Variants in CUBN observed in about 807,000 individuals in gnomAD.
CUBN encodes 460 kDa receptor.
A neutral mutation model predicts 405.3 loss-of-function variants in CUBN; 282 were observed. The ratio of observed to expected loss-of-function variants is 0.70; its 90% CI spans 0.63 to 0.77. CUBN has a LOEUF of 0.77. Among genes scored for constraint, CUBN ranks in the 30% least tolerant of loss-of-function variants. CUBN has a pLI of 0.00. For missense variants in CUBN, 4,514 were observed against 4,475.2 expected (o/e 1.01, Z -0.25); for synonymous variants, 1,684 against 1,617.0 (o/e 1.04, Z -0.99).
intron 54 of CUBN, among the ~76,000 whole-genome samples, chr10:16,892,545 G>T (rs998220611): frequency 1.3e-5 from 2 of 151,892 alleles, no homozygotes; most frequent in Non-Finnish European, 2.9e-5. Context: ...AGGCTGGAGC[G>T]CAGTGGCACA....
chr10:16,951,559 C>T (rs1842921169), intron 33 of CUBN, among the ~76,000 whole-genome samples: 1 of 152,090 alleles, frequency 6.6e-6, no homozygotes, highest in Non-Finnish European at 1.5e-5. Flanking sequence ...CAGAAGGGCC[C>T]CAGCATCACC....
intron 28 of CUBN, among the ~76,000 whole-genome samples, chr10:17,017,400 C>T (rs1170891777): frequency 6.6e-6 from 1 of 152,110 alleles, no homozygotes; most frequent in African/African-American, 2.4e-5. Flanking sequence ...CTTACTGACA[C>T]ATTCTTGAAA....
intron 43 of CUBN, among the ~76,000 whole-genome samples, chr10:16,921,739 C>T (rs973477293): frequency 2.0e-5 from 3 of 152,162 alleles, no homozygotes; most frequent in Non-Finnish European, 4.4e-5. Context: ...GTAGGCCTTT[C>T]ATCTCACTCT....
In CUBN at chr10:17,071,561, A is replaced by T. The variant is rs758711669; in HGVS notation, c.2490T>A (p.Pro830=). The T allele has an allele frequency of 3.2e-5, 51 of 1,613,792 alleles. No homozygotes were observed. Among genetic ancestry groups the T allele is most frequent in the Non-Finnish European group, 4.0e-5 (47 of 1,179,906 alleles). The change falls in exon 19 of 67, where the codon CCT becomes CCA. Residue 830 remains proline, a synonymous_variant. Transcript: ENST00000377833. ...CTCCAGGATACACGTTAGGAAAAAA[A>T]GGCGAGCGAATGACCCCTTCTCCAG... The part of the protein sequence containing the change: ...ELTGEGVIRS[P]FFPNVYPGER...
chr10:17,065,064 T>A (rs1835582284), intron 22 of CUBN, among the ~76,000 whole-genome samples: 1 of 152,068 alleles, frequency 6.6e-6, no homozygotes, highest in African/African-American at 2.4e-5. Context: ...TCCTGAATTC[T>A]TTTTACCCAG....
chr10:16,954,811 C>T (rs923748116), intron 31 of CUBN, among the ~76,000 whole-genome samples: 1 of 152,192 alleles, frequency 6.6e-6, no homozygotes, highest in Non-Finnish European at 1.5e-5. Flanking sequence ...CCCTTCCACA[C>T]TCCCCTTCCT....
rs537287651 is a variant in CUBN, at chr10:16,984,331, A to G, written c.4351-52T>C. The G allele has an allele frequency of 1.5e-5, 24 of 1,550,340 alleles. No homozygotes were observed. In the South Asian group the frequency reaches 2.7e-4, roughly 18 times the overall value. On this transcript the variant is annotated intron_variant, in intron 29 of 66. Transcript: ENST00000377833. ...TTTAAAAAATATTTTAAGCAATTAC[A>G]GGCCCTTGCTCTGGCTCATTTTGAC... is the stretch of plus-strand genomic sequence containing the variant.
chr10:17,006,915 GA>G (rs1439259541), intron 28 of CUBN, among the ~76,000 whole-genome samples: 1 of 152,170 alleles, frequency 6.6e-6, no homozygotes, highest in Non-Finnish European at 1.5e-5. Context: ...TTCCTTTGTG[GA>G]AATCCTGGGT....
chr10:16,902,667 C>T (rs1412815298), intron 51 of CUBN, among the ~76,000 whole-genome samples: 4 of 151,986 alleles, frequency 2.6e-5, no homozygotes, highest in Admixed American at 2.6e-4. Context: ...TAGATAAAAC[C>T]ATAACTAAAA....
chr10:17,022,154 A>G (rs1834517524), intron 27 of CUBN, among the ~76,000 whole-genome samples: 1 of 152,202 alleles, frequency 6.6e-6, no homozygotes, highest in Non-Finnish European at 1.5e-5. Context: ...AGAAGGGAGA[A>G]CCAGGTGAGG....
chr10:16,882,819 G>T (rs1588616903), intron 56 of CUBN, among the ~76,000 whole-genome samples: 2 of 152,084 alleles, frequency 1.3e-5, no homozygotes, highest in African/African-American at 4.8e-5. Context: ...TTTGAGACCA[G>T]CCCGGCCAAC....
At chr10:16,903,706 T>C (rs1841470632) in intron 51 of CUBN, among the ~76,000 whole-genome samples, 1 of 148,046 alleles carries the variant, frequency 6.8e-6, no homozygotes, top group Non-Finnish European at 1.5e-5. Context: ...AATTTTAAAA[T>C]TTAATAATTT....
At chr10:17,046,449 G>C (rs1835134537) in intron 23 of CUBN, among the ~76,000 whole-genome samples, 2 of 152,072 alleles carry the variant, frequency 1.3e-5, no homozygotes, top group South Asian at 4.1e-4. Context: ...TAAACATACT[G>C]CTGTATTTTA....
chr10:16,828,776 TG>T, intron 66 of CUBN, 28 bp downstream of exon 66: 1 of 1,492,442 alleles, frequency 6.7e-7, no homozygotes. Flanking sequence ...AAATAACAAA[TG>T]GGAATATAAA....
chr10:16,910,796 T>A (rs1438625108), intron 48 of CUBN, among the ~76,000 whole-genome samples: 2 of 151,412 alleles, frequency 1.3e-5, no homozygotes, highest in African/African-American at 4.8e-5. Flanking sequence ...ATATAAAATA[T>A]TTAAATATAT....
chr10:16,902,372 T>C (rs1280781244), intron 51 of CUBN, among the ~76,000 whole-genome samples: 1 of 146,948 alleles, frequency 6.8e-6, no homozygotes, highest in Non-Finnish European at 1.5e-5. Context: ...TGTATATATA[T>C]GTATAAAATA....
intron 31 of CUBN, among the ~76,000 whole-genome samples, chr10:16,965,481 A>T (rs1406504087): frequency 6.6e-6 from 1 of 151,700 alleles, no homozygotes; most frequent in Admixed American, 6.6e-5. Flanking sequence ...ATGGCTCGTG[A>T]CCACCTGACT....
intron 31 of CUBN, among the ~76,000 whole-genome samples, chr10:16,971,552 C>A (rs1048373108): frequency 1.3e-5 from 2 of 152,154 alleles, no homozygotes; most frequent in Non-Finnish European, 2.9e-5. Context: ...ATTTATAAAT[C>A]ATCCAAGAAA....
In CUBN at chr10:17,065,493, A is replaced by G. The variant is rs774327867; in HGVS notation, c.3139+15T>C. 9.9e-6 allele frequency: 16 copies of G among 1,612,710 alleles called. No homozygotes were observed. Among genetic ancestry groups the G allele is most frequent in the African/African-American group, 1.3e-5 (1 of 74,958 alleles). The stretch of plus-strand genomic sequence containing the variant: ...TGGAGTCAATAAAACCGAGTATGCA[A>G]TGCTGTTTTGTTACCTGTTGCTGCA... On this transcript the variant is annotated intron_variant, in intron 22 of 66. Coordinates refer to ENST00000377833, the MANE Select transcript of CUBN (RefSeq NM_001081.4).
Sources: allele counts gnomAD v4.1 joint callset (sites outside exome capture counted in the v4.1 genomes callset), GRCh38; gene constraint gnomAD v4.1.1; transcripts MANE v1.5; gene names NCBI Gene and HGNC (gene_info 2026-07-23, HGNC 2026-07-21).